CHAT: variants seen among roughly 807,000 people sequenced by gnomAD.
CHAT encodes the protein acetyl CoA:choline O-acetyltransferase.
A neutral mutation model predicts 76.9 loss-of-function variants in CHAT; 61 were observed. The ratio of observed to expected loss-of-function variants is 0.79; its 90% CI spans 0.65 to 0.98. The LOEUF (loss-of-function observed/expected upper bound fraction) is 0.98. Among genes scored for constraint, CHAT ranks in the 50% least tolerant of loss-of-function variants. The pLI is 0.00. For synonymous variants in CHAT, 407 were observed against 397.4 expected (o/e 1.02, Z -0.29); for missense variants, 946 against 986.9 (o/e 0.96, Z 0.56).
upstream of CHAT, chr10:49,613,931 AGAG>A (rs1331437142): frequency 1.7e-6 from 1 of 593,442 alleles, no homozygotes; most frequent in African/African-American, 1.9e-5. Flanking sequence ...GATGGTGGGG[AGAG>A]GAGGGCAGCG....
In CHAT at chr10:49,662,473, T is replaced by C. The variant is rs10857527; in HGVS notation, c.1840-172T>C. ...GGGCCCGGGAGCAGAGGCCGCATGGTAGAGCGGTCAGTCCTGAGCAGCCAC... is the reference window on the plus strand; with the variant it reads ...GGGCCCGGGAGCAGAGGCCGCATGGCAGAGCGGTCAGTCCTGAGCAGCCAC... On this transcript the variant is annotated intron_variant, in intron 13 of 14. Coordinates refer to ENST00000337653, the MANE Select transcript of CHAT (RefSeq NM_020549.5). 0.4 allele frequency among the ~76,000 whole-genome samples: 61,398 copies of C among 152,182 alleles called. 12,952 individuals carry two copies. The highest frequency in any genetic ancestry group is 0.69 in the East Asian group (3,574 of 5,180).
chr10:49,610,151 G>C (rs1189531264), upstream of CHAT: 1 of 152,122 alleles, frequency 6.6e-6, no homozygotes, highest in South Asian at 2.0e-4. Context: ...TCTGGAGAGC[G>C]GACCCCTGCC....
chr10:49,642,629 A>G (rs1839522478), intron 7 of CHAT, among the ~76,000 whole-genome samples: 1 of 152,234 alleles, frequency 6.6e-6, no homozygotes, highest in Admixed American at 6.5e-5. Context: ...TCGAGCCTGC[A>G]TCAAGGCCTG....
Position 49,614,411 on chromosome 10 carries a change from C to T in CHAT, c.222C>T (p.Thr74=), listed in dbSNP as rs767600029. The change falls in exon 1 of 15, where the codon ACC becomes ACT. Residue 74 remains threonine (T), a synonymous_variant. Coordinates refer to ENST00000337653, the MANE Select transcript of CHAT (RefSeq NM_020549.5). ...GCCCCCCACCCCTTCCGGCTCACAC[C>T]CCCGCCCACACTCCTGAGTGGTGCG... ...ATRPPPLPAH[T]PAHTPEWCGA... The T allele has an allele frequency of 9.5e-5, 147 of 1,547,390 alleles. No individual in the cohort carries two copies. In the South Asian group the frequency reaches 1.4e-3, roughly 15 times the overall value.
chr10:49,644,177 CAG>C (rs1263580467), intron 7 of CHAT, among the ~76,000 whole-genome samples: 1 of 152,116 alleles, frequency 6.6e-6, no homozygotes, highest in Admixed American at 6.5e-5. Flanking sequence ...CTGTCATAGA[CAG>C]AGGAGGAGAA....
chr10:49,610,885 C>T, upstream of CHAT: 9 of 1,613,270 alleles, frequency 5.6e-6, no homozygotes, highest in Non-Finnish European at 6.8e-6. Context: ...GGACAACATG[C>T]TGTACATGGT....
rs764497513 is a variant in CHAT at position 49,620,535 on chromosome 10, G to A, written c.620G>A (p.Arg207His). The change falls in exon 4 of 15, where the codon CGC becomes CAC. Residue 207 changes from arginine to histidine, a missense_variant. Arg to His is a conservative substitution (Grantham distance 29). Around this residue, in one of 3 missense-constraint regions of CHAT, gnomAD observed 548 missense variants for 516.2 expected, o/e 1.06. Coordinates refer to ENST00000337653, the MANE Select transcript of CHAT (RefSeq NM_020549.5). ...YWLNDMYLNN[R>H]LALPVNSSPA... ...CTGAATGACATGTATCTCAACAACC[G>A]CCTGGCCCTGCCTGTCAACTCCAGC... The A allele has an allele frequency of 6.8e-6, 11 of 1,613,648 alleles. No individual in the cohort carries two copies. The highest frequency in any genetic ancestry group is 6.7e-5 in the African/African-American group (5 of 74,904).
intron 8 of CHAT, among the ~76,000 whole-genome samples, chr10:49,647,737 C>A (rs1480209373): frequency 6.8e-6 from 1 of 147,960 alleles, no homozygotes; most frequent in East Asian, 2.0e-4. Flanking sequence ...CAAAAGACAC[C>A]GCTTTCCTTC....
chr10:49,649,231 G>A (rs1839784529), intron 9 of CHAT, among the ~76,000 whole-genome samples: 1 of 152,166 alleles, frequency 6.6e-6, no homozygotes, highest in Non-Finnish European at 1.5e-5. Flanking sequence ...CTTCTGTAAG[G>A]GTGTAACATG....
At chr10:49,654,163 C>T (rs1839963529) in intron 11 of CHAT, among the ~76,000 whole-genome samples, 1 of 152,196 alleles carries the variant, frequency 6.6e-6, no homozygotes, top group African/African-American at 2.4e-5. Flanking sequence ...AGAGACAGGA[C>T]AGGAGCTCCT....
At chr10:49,613,660 C>T (rs1019749323), upstream of CHAT, among the ~76,000 whole-genome samples, 2 of 152,018 alleles carry the variant, frequency 1.3e-5, no homozygotes, top group Admixed American at 6.6e-5. Context: ...TGTGCTATTT[C>T]TGTGTGGGGG....
chr10:49,616,400 C>T (rs1838496313), intron 1 of CHAT, 102 bp from the exon 2 acceptor site: 3 of 912,112 alleles, frequency 3.3e-6, no homozygotes, highest in African/African-American at 1.6e-5. Flanking sequence ...AGGCTCTGGC[C>T]TCCTCATGGG....
intron 2 of CHAT, among the ~76,000 whole-genome samples, chr10:49,618,823 A>C (rs1396379146): frequency 2.0e-5 from 3 of 152,204 alleles, no homozygotes; most frequent in Admixed American, 6.5e-5. Flanking sequence ...TTCCTCTGGA[A>C]GTATAAGATA....
chr10:49,628,896 G>A (rs118053176), intron 7 of CHAT, among the ~76,000 whole-genome samples: 18 of 152,396 alleles, frequency 1.2e-4, no homozygotes, highest in East Asian at 5.8e-4. Flanking sequence ...GGCCTGAGCC[G>A]GATGTACTGG....
At position 49,648,623 on chromosome 10, in the gene CHAT, AG is replaced by A; in HGVS notation, c.1382+19del. On this transcript the variant is annotated intron_variant, in intron 9 of 14. Coordinates refer to ENST00000337653, the MANE Select transcript of CHAT (RefSeq NM_020549.5). ...TCAAGCACGTGTGAGTCTGGATCCC[AG>A]GGCTGCCATGCTGGGCCCAAAAAAA... 6.3e-7 allele frequency: 1 copy of A among 1,583,368 alleles called. No individual in the cohort carries two copies. The highest frequency in any genetic ancestry group is 8.7e-7 in the Non-Finnish European group (1 of 1,153,948).
At chr10:49,620,678 G>C in intron 4 of CHAT, 65 bp downstream of exon 4, 2 of 1,315,880 alleles carry the variant, frequency 1.5e-6, no homozygotes, top group Admixed American at 1.7e-5. Flanking sequence ...CCTTACCCCA[G>C]TGCCAGCAAA....
chr10:49,652,383 C>T (rs1839908390), intron 11 of CHAT, among the ~76,000 whole-genome samples: 1 of 152,162 alleles, frequency 6.6e-6, no homozygotes, highest in Non-Finnish European at 1.5e-5. Flanking sequence ...CCAGTCTTCC[C>T]AATCTTGCTA....
In CHAT at chr10:49,649,505, C is replaced by T. The variant is rs747164762; in HGVS notation, c.1383-3C>T. 2.5e-6 allele frequency: 4 copies of T among 1,613,822 alleles called. No homozygotes were observed. The Admixed American group carries it at 6.7e-5, about 27-fold the overall frequency. On this transcript the variant is annotated splice_region_variant and splice_polypyrimidine_tract_variant and intron_variant, in intron 9 of 14. Coordinates refer to ENST00000337653, the MANE Select transcript of CHAT (RefSeq NM_020549.5). ...CCTCAGGAGGTTGCCTCTGTGCCCG[C>T]AGGACGCAGAGCAGCAGGAAGCTGA...
chr10:49,661,413 G>A (rs1038062475), intron 13 of CHAT: 2 of 152,198 alleles, frequency 1.3e-5, no homozygotes, highest in Non-Finnish European at 2.9e-5. Context: ...GGTCCTAACA[G>A]GTAGGGCACG....
Sources: allele counts gnomAD v4.1 joint callset (sites outside exome capture counted in the v4.1 genomes callset), GRCh38; gene constraint gnomAD v4.1.1; regional missense constraint gnomAD v4.1.1; transcripts MANE v1.5; gene names NCBI Gene and HGNC (gene_info 2026-07-23, HGNC 2026-07-21).